INO80: variants seen among roughly 807,000 people sequenced by gnomAD.
INO80 encodes INO80 complex ATPase subunit, also known as chromatin-remodeling ATPase INO80.
INO80 carries 20 observed loss-of-function variants against 203.4 expected under a neutral mutation model. The observed-to-expected ratio is 0.10, with a 90% CI of 0.07 to 0.14. The LOEUF (loss-of-function observed/expected upper bound fraction) is 0.14, where lower values mean the gene tolerates loss of function less well. Among genes scored for constraint, INO80 ranks in the 10% least tolerant of loss-of-function variants. INO80 has a pLI of 1.00. For missense variants in INO80, 1,419 were observed against 1,914.4 expected (o/e 0.74, Z 4.83); for synonymous variants, 726 against 685.2 (o/e 1.06, Z -0.93).
intron 29 of INO80, among the ~76,000 whole-genome samples, chr15:40,993,632 G>A (rs866535846): frequency 1.3e-5 from 2 of 152,056 alleles, no homozygotes; most frequent in Non-Finnish European, 2.9e-5. Flanking sequence ...GGTGGTGCCC[G>A]CCTGTAGTCC....
chr15:41,004,788 G>A (rs1038221201), intron 28 of INO80: 2 of 152,170 alleles, frequency 1.3e-5, no homozygotes, highest in Non-Finnish European at 2.9e-5. Flanking sequence ...TTTGTCATAA[G>A]GCACTGTACT....
At chr15:40,983,181 T>C (rs1410618938) in intron 34 of INO80, 104 bp from the exon 35 acceptor site, 2 of 897,418 alleles carry the variant, frequency 2.2e-6, no homozygotes, top group Non-Finnish European at 3.4e-6. Flanking sequence ...TCTTAGGGCA[T>C]TTGTTTTAGG....
chr15:41,057,797 C>CAAAAAAAAA (rs35197370), intron 16 of INO80, among the ~76,000 whole-genome samples: 10 of 29,272 alleles, frequency 3.4e-4, no homozygotes, highest in East Asian at 1.1e-3. Context: ...AACTACATCT[C>CAAAAAAAAA]AAAAAAAAAA....
intron 35 of INO80, among the ~76,000 whole-genome samples, chr15:40,980,674 C>G (rs1893793359): frequency 6.6e-6 from 1 of 152,202 alleles, no homozygotes; most frequent in Non-Finnish European, 1.5e-5. Flanking sequence ...CCTCTCTATA[C>G]TACTTCATCC....
chr15:41,033,902 A>T (rs1348191052), intron 24 of INO80, among the ~76,000 whole-genome samples: 1 of 151,848 alleles, frequency 6.6e-6, no homozygotes, highest in Non-Finnish European at 1.5e-5. Context: ...AAAAAAAAAA[A>T]TACAAAAAAA....
chr15:41,050,118 A>T lies in INO80; in HGVS notation c.2275-16T>A. 1 of 1,578,002 alleles carries T rather than the reference A, an allele frequency of 6.3e-7. No homozygotes were observed. The highest frequency in any genetic ancestry group is 8.7e-7 in the Non-Finnish European group (1 of 1,153,520). On this transcript the variant is annotated splice_polypyrimidine_tract_variant and intron_variant, in intron 19 of 35. Coordinates refer to ENST00000648947, the MANE Select transcript of INO80 (RefSeq NM_017553.3). ...GAATCTCAATCTAAAAATCAATAAGAACATTTATATTTGGAAAAGTAGTTT... is the reference window on the plus strand; with the variant it reads ...GAATCTCAATCTAAAAATCAATAAGTACATTTATATTTGGAAAAGTAGTTT...
intron 1 of INO80, 113 bp downstream of exon 1, chr15:41,115,860 G>A (rs1469951572): frequency 8.1e-6 from 3 of 372,500 alleles, no homozygotes; most frequent in South Asian, 1.5e-4. Context: ...AAATCCAAGG[G>A]CCGGGGGCGA....
chr15:41,076,924 T>C (rs2045412091), intron 9 of INO80, among the ~76,000 whole-genome samples: 1 of 152,158 alleles, frequency 6.6e-6, no homozygotes, highest in African/African-American at 2.4e-5. Context: ...TTTTCTTTTT[T>C]TGAGATGGAG....
At chr15:41,077,964 G>C (rs1039611292) in intron 9 of INO80, among the ~76,000 whole-genome samples, 1 of 149,970 alleles carries the variant, frequency 6.7e-6, no homozygotes, top group African/African-American at 2.5e-5. Context: ...GTAGTGGCAC[G>C]ATCTCAGCTC....
intron 14 of INO80, among the ~76,000 whole-genome samples, chr15:41,060,754 T>G: frequency 6.6e-6 from 1 of 152,114 alleles, no homozygotes; most frequent in Non-Finnish European, 1.5e-5. Flanking sequence ...GACATCTGAA[T>G]TCCAGATTAA....
chr15:41,007,890 T>C (rs1373332576), intron 27 of INO80, among the ~76,000 whole-genome samples: 4 of 152,184 alleles, frequency 2.6e-5, no homozygotes, highest in South Asian at 4.2e-4. Context: ...GGTATGGTGG[T>C]TGGCTGGACG....
At chr15:41,050,940 G>A (rs2044858026) in intron 19 of INO80, among the ~76,000 whole-genome samples, 1 of 151,850 alleles carries the variant, frequency 6.6e-6, no homozygotes, top group Non-Finnish European at 1.5e-5. Flanking sequence ...AGACCAGCCT[G>A]GCCAACATAG....
At chr15:41,110,311 A>G (rs896470023) in intron 1 of INO80, among the ~76,000 whole-genome samples, 2 of 151,116 alleles carry the variant, frequency 1.3e-5, no homozygotes, top group Non-Finnish European at 2.9e-5. Flanking sequence ...CACTCACCCA[A>G]TTTTTGTGTT....
chr15:41,099,475 A>G (rs1053237336), intron 1 of INO80, among the ~76,000 whole-genome samples: 1 of 152,074 alleles, frequency 6.6e-6, no homozygotes, highest in African/African-American at 2.4e-5. Context: ...AATATAAAGA[A>G]AAAAGAATGC....
chr15:41,113,156 T>A (rs976221129), intron 1 of INO80, among the ~76,000 whole-genome samples: 2 of 152,250 alleles, frequency 1.3e-5, no homozygotes, highest in South Asian at 2.1e-4. Flanking sequence ...GCTCAAACGA[T>A]CCGCCTGCTC....
At chr15:41,113,666 C>T (rs1359146066) in intron 1 of INO80, among the ~76,000 whole-genome samples, 3 of 152,250 alleles carry the variant, frequency 2.0e-5, no homozygotes, top group Non-Finnish European at 2.9e-5. Context: ...GGCTTGAGTG[C>T]GCTGGCACAA....
At chr15:40,985,479 C>A (rs1021904034) in intron 31 of INO80, 53 bp from the exon 32 acceptor site, 3 of 1,295,448 alleles carry the variant, frequency 2.3e-6, no homozygotes, top group Admixed American at 3.4e-5. Context: ...AATCATAATC[C>A]TCACTCTCTT....
chr15:41,057,306 A>C (rs1050815379), intron 16 of INO80, among the ~76,000 whole-genome samples: 1 of 151,710 alleles, frequency 6.6e-6, no homozygotes, highest in Non-Finnish European at 1.5e-5. Context: ...AATACAAAAA[A>C]TTAGCCCAGC....
chr15:41,016,923 G>A (rs890464304), intron 26 of INO80: 1 of 151,888 alleles, frequency 6.6e-6, no homozygotes, highest in South Asian at 2.1e-4. Flanking sequence ...TTGAACTCCT[G>A]GGCTCAAGGG....
Sources: allele counts gnomAD v4.1 joint callset (sites outside exome capture counted in the v4.1 genomes callset), GRCh38; gene constraint gnomAD v4.1.1; transcripts MANE v1.5; gene names NCBI Gene and HGNC (gene_info 2026-07-23, HGNC 2026-07-21).